The following SLC9C1 variants were observed in gnomAD, a reference collection of about 807,000 sequenced individuals.
SLC9C1 encodes the protein sodium/hydrogen exchanger 10.
Under a neutral mutation model 140.9 loss-of-function variants are expected in SLC9C1, and 97 were observed. The ratio of observed to expected loss-of-function variants is 0.69; its 90% CI spans 0.58 to 0.82. The LOEUF is 0.82. Ranked by LOEUF, SLC9C1 falls within the 40% of genes least tolerant of loss-of-function variation. SLC9C1 has a pLI of 0.00. For missense variants in SLC9C1, 1,340 were observed against 1,389.3 expected (o/e 0.96, Z 0.56); for synonymous variants, 440 against 442.6 (o/e 0.99, Z 0.07).
intron 23 of SLC9C1, among the ~76,000 whole-genome samples, chr3:112,179,312 C>T (rs1222025265): frequency 6.6e-6 from 1 of 152,042 alleles, no homozygotes; most frequent in Admixed American, 6.5e-5. Flanking sequence ...TTTCTGGATA[C>T]ATCTTTCTTT....
chr3:112,264,819 A>G lies in SLC9C1; in HGVS notation c.879-476T>C, dbSNP rs72948312. On this transcript the variant is annotated intron_variant, in intron 8 of 28. Transcript: ENST00000305815. ...TATTTTAGATAGTAAGATTCTTGCAATTGAGTTTATGAAGTAGTTACTTGT... is the reference window on the plus strand; with the variant it reads ...TATTTTAGATAGTAAGATTCTTGCAGTTGAGTTTATGAAGTAGTTACTTGT... Among the ~76,000 whole-genome samples the G allele has an allele frequency of 4.5e-3, 687 of 152,154 alleles. 4 individuals are homozygous for G. Among genetic ancestry groups the G allele is most frequent in the African/African-American group, 0.016 (650 of 41,556 alleles).
intron 15 of SLC9C1, among the ~76,000 whole-genome samples, chr3:112,210,433 G>A (rs533440261): frequency 6.6e-5 from 10 of 152,262 alleles, no homozygotes; most frequent in East Asian, 3.9e-4. Flanking sequence ...TCAAAGAAGC[G>A]AGAAACACAA....
At chr3:112,238,439 A>G (rs946163943) in intron 12 of SLC9C1, among the ~76,000 whole-genome samples, 1 of 152,192 alleles carries the variant, frequency 6.6e-6, no homozygotes, top group African/African-American at 2.4e-5. Flanking sequence ...GATCATCTGA[A>G]GCCTTCTTCT....
At chr3:112,269,815 T>C in intron 7 of SLC9C1, 101 bp downstream of exon 7, 1 of 950,374 alleles carries the variant, frequency 1.1e-6, no homozygotes, top group Non-Finnish European at 1.5e-6. Flanking sequence ...TCTAGATCAG[T>C]TGAATGTTTT....
intron 10 of SLC9C1, among the ~76,000 whole-genome samples, chr3:112,254,857 G>T (rs996266674): frequency 3.3e-5 from 5 of 152,038 alleles, no homozygotes; most frequent in African/African-American, 1.2e-4. Flanking sequence ...CCTTTCATCT[G>T]CAGTGACACT....
intron 7 of SLC9C1, among the ~76,000 whole-genome samples, chr3:112,269,491 G>A (rs887370025): frequency 5.9e-5 from 9 of 152,080 alleles, no homozygotes; most frequent in African/African-American, 2.2e-4. Context: ...AATGTTCTTC[G>A]AGTTAATTTC....
At chr3:112,160,281 T>C (rs994341209) in intron 26 of SLC9C1, among the ~76,000 whole-genome samples, 1 of 151,780 alleles carries the variant, frequency 6.6e-6, no homozygotes, top group African/African-American at 2.4e-5. Flanking sequence ...TTTTCTTTTA[T>C]TATTATACTT....
intron 16 of SLC9C1, 116 bp downstream of exon 16, chr3:112,208,062 G>T: frequency 1.3e-6 from 1 of 789,642 alleles, no homozygotes; most frequent in Non-Finnish European, 1.9e-6. Flanking sequence ...GAGACGTGAG[G>T]AAGAAATTCA....
Position 112,275,030 on chromosome 3 carries a change from A to G in SLC9C1, c.485-5T>C. 6.4e-7 allele frequency: 1 copy of G among 1,555,010 alleles called. No individual in the cohort carries two copies. The highest frequency in any genetic ancestry group is 1.4e-5 in the African/African-American group (1 of 71,140). On this transcript the variant is annotated splice_region_variant and splice_polypyrimidine_tract_variant and intron_variant, in intron 5 of 28. Coordinates refer to ENST00000305815, the MANE Select transcript of SLC9C1 (RefSeq NM_183061.3). ...TGATGAGGCTTCTAGAAAGCCCTAC[A>G]TATGTTGAGGGGGAAAGATGTTTTT...
chr3:112,278,805 C>G lies in SLC9C1; in HGVS notation c.242G>C (p.Arg81Pro), dbSNP rs202015970. The G allele has an allele frequency of 6.2e-7, 1 of 1,610,616 alleles. No individual in the cohort carries two copies. The highest frequency in any genetic ancestry group is 2.2e-5 in the East Asian group (1 of 44,698). ...IQWMSPDLFF[R>P]IFTPVVFFTT... is the part of the protein sequence containing the mutation. ...AAAGAAAACTACTGGTGTAAATATACGAAAAAATAAGTCTGGACTCATCCA... is the reference window on the plus strand; with the variant it reads ...AAAGAAAACTACTGGTGTAAATATAGGAAAAAATAAGTCTGGACTCATCCA... The change falls in exon 4 of 29, where the codon CGT becomes CCT. Residue 81 changes from arginine to proline, a missense_variant. By Grantham distance (103) the Arg-to-Pro change is moderately radical. Coordinates refer to ENST00000305815, the MANE Select transcript of SLC9C1 (RefSeq NM_183061.3).
At chr3:112,275,098 A>G (rs1375692340) in intron 5 of SLC9C1, 73 bp from the exon 6 acceptor site, 16 of 1,442,256 alleles carry the variant, frequency 1.1e-5, no homozygotes, top group Non-Finnish European at 8.3e-6. Context: ...AAAGAATACA[A>G]TTTTCTTAGC....
chr3:112,189,124 T>G (rs1015026018), intron 20 of SLC9C1, among the ~76,000 whole-genome samples: 16 of 152,350 alleles, frequency 1.1e-4, no homozygotes, highest in African/African-American at 3.8e-4. Flanking sequence ...AGATTCTGGA[T>G]ATTAGCCCTT....
intron 11 of SLC9C1, among the ~76,000 whole-genome samples, chr3:112,240,717 A>G (rs2079117003): frequency 6.6e-6 from 1 of 152,216 alleles, no homozygotes; most frequent in Non-Finnish European, 1.5e-5. Flanking sequence ...GAGCCAGTTA[A>G]GCACATATGA....
At position 112,292,744 on chromosome 3, in the gene SLC9C1, T is replaced by C. The variant is rs556972770; in HGVS notation, c.-88+1349A>G. Among the ~76,000 whole-genome samples the C allele has an allele frequency of 2.7e-3, 407 of 151,354 alleles. 1 individual carries two copies. Among genetic ancestry groups the C allele is most frequent in the Middle Eastern group, 0.01 (3 of 292 alleles). On this transcript the variant is annotated intron_variant, in intron 1 of 28. Transcript: ENST00000305815. ...ATTTTTAGTAGAGACGGGGTTTCACTGTGTTAGCCAGGATGGTCTCGATCT... is the reference window on the plus strand; with the variant it reads ...ATTTTTAGTAGAGACGGGGTTTCACCGTGTTAGCCAGGATGGTCTCGATCT...
chr3:112,187,503 G>A (rs1407968357), intron 20 of SLC9C1, among the ~76,000 whole-genome samples: 1 of 152,144 alleles, frequency 6.6e-6, no homozygotes, highest in Non-Finnish European at 1.5e-5. Flanking sequence ...CACAGGCTTT[G>A]TGTGTTAATG....
In SLC9C1 at chr3:112,208,383, A is replaced by G; in HGVS notation, c.1791-10T>C. 1 of 1,503,674 alleles carries G rather than the reference A, an allele frequency of 6.7e-7. No homozygotes were observed. Among genetic ancestry groups the G allele is most frequent in the Non-Finnish European group, 9.0e-7 (1 of 1,116,870 alleles). The allele number at this position is 1,503,674 out of a possible 1,614,324, so 93.1% of individuals were successfully genotyped here. On this transcript the variant is annotated splice_polypyrimidine_tract_variant and intron_variant, in intron 15 of 28. Transcript: ENST00000305815. ...ACGAAAAAAGAAGTATCTGTAAAAC[A>G]AAAAGACAGTTTTATCTGATAAAAG...
intron 20 of SLC9C1, among the ~76,000 whole-genome samples, chr3:112,189,683 T>C (rs1030807436): frequency 6.6e-6 from 1 of 152,210 alleles, no homozygotes; most frequent in African/African-American, 2.4e-5. Flanking sequence ...TCCAGCTTTG[T>C]TCTTTTGGCT....
In SLC9C1 at chr3:112,277,744, G is replaced by A; in HGVS notation, c.435C>T (p.Ile145=). ...TTAGCATGGGATCTGAACTCACAAG[G>A]ATAGCTGAAAATAATAACCATTGGG... ...KPTQWLLFSA[I]LVSSDPMLTA... Residue 145 remains isoleucine, a synonymous_variant, in exon 5 of 29, where the codon ATC becomes ATT. Coordinates refer to ENST00000305815, the MANE Select transcript of SLC9C1 (RefSeq NM_183061.3). 3 of 1,611,302 alleles carry A rather than the reference G, an allele frequency of 1.9e-6. No homozygotes were observed. Among genetic ancestry groups the A allele is most frequent in the Non-Finnish European group, 2.5e-6 (3 of 1,178,660 alleles).
chr3:112,222,142 C>T (rs369195425), intron 13 of SLC9C1, among the ~76,000 whole-genome samples: 5 of 151,992 alleles, frequency 3.3e-5, no homozygotes, highest in South Asian at 4.1e-4. Flanking sequence ...AATATTAAAT[C>T]AAAATATTCT....
Sources: gnomAD v4.1 joint callset for allele counts (sites outside exome capture counted in the v4.1 genomes callset) on GRCh38, gnomAD v4.1.1 for gene constraint, MANE v1.5 for transcripts, NCBI Gene and HGNC (gene_info 2026-07-23, HGNC 2026-07-21) for gene names.